The following TRIM33 variants were observed in gnomAD, a reference collection of about 807,000 sequenced individuals.
TRIM33 encodes the protein tripartite motif containing 33, also known as E3 ubiquitin-protein ligase TRIM33.
In TRIM33, 20 loss-of-function variants were observed where a neutral mutation model predicts 125.4. That is an observed-to-expected ratio of 0.16 (90% CI 0.11 to 0.23). The LOEUF (loss-of-function observed/expected upper bound fraction) is 0.23, where lower values mean the gene tolerates loss of function less well. TRIM33 is among the 10% of genes least tolerant of loss of function. The pLI, the probability that TRIM33 is intolerant of heterozygous loss-of-function variation, is 1.00. For synonymous variants in TRIM33, 564 were observed against 513.9 expected, an observed-to-expected ratio of 1.10 and a Z score of -1.32; for missense variants, 920 against 1,411.4, an observed-to-expected ratio of 0.65 and a Z score of 5.58.
intron 1 of TRIM33, among the ~76,000 whole-genome samples, chr1:114,481,205 G>T (rs1651311700): frequency 6.6e-6 from 1 of 151,622 alleles, no homozygotes; most frequent in African/African-American, 2.4e-5. Flanking sequence ...GATTCTCAAA[G>T]CATATTACTA....
In TRIM33 at chr1:114,433,695, C is replaced by T. The variant is rs1648109221; in HGVS notation, c.962G>A (p.Gly321Asp). 1 of 1,610,634 alleles carries T rather than the reference C, an allele frequency of 6.2e-7. No individual in the cohort carries two copies. Among genetic ancestry groups the T allele is most frequent in the Non-Finnish European group, 8.5e-7 (1 of 1,178,688 alleles). ...FLEEAFQNQK[G>D]AIENLLAKLL... Reference sequence around the variant, plus strand: ...TTTCGCCAGTAGATTCTCAATTGCACCCTTCTGATTTTGAAAAGCTTCTTC... The same window carrying T: ...TTTCGCCAGTAGATTCTCAATTGCATCCTTCTGATTTTGAAAAGCTTCTTC... The change falls in exon 5 of 20, where the codon GGT becomes GAT. Residue 321 changes from glycine to aspartate, a missense_variant. Gly to Asp is a moderately conservative substitution (Grantham distance 94). Transcript: ENST00000358465.
At position 114,510,769 on chromosome 1, in the gene TRIM33, G is replaced by A. The variant is rs1653298820; in HGVS notation, c.308C>T (p.Ser103Leu). Residue 103 changes from serine (S) to leucine (L), a missense_variant, in exon 1 of 20, where the codon TCG (serine) becomes TTG (leucine). Ser to Leu is a moderately radical substitution (Grantham distance 145, BLOSUM62 -2). Coordinates refer to ENST00000358465, the MANE Select transcript of TRIM33 (RefSeq NM_015906.4). ...TGCCGAGGGACCCGGAGCGGGAGCCGAGGCTGGAGCTGGAGCCGGCGTCGA... is the reference window on the plus strand; with the variant it reads ...TGCCGAGGGACCCGGAGCGGGAGCCAAGGCTGGAGCTGGAGCCGGCGTCGA... ...AVSTPAPAPA[S>L]APAPGPSAGP... 3.3e-6 allele frequency: 5 copies of A among 1,522,362 alleles called. No homozygotes were observed. Among genetic ancestry groups the A allele is most frequent in the African/African-American group, 1.4e-5 (1 of 71,698 alleles). The allele number at this position is 1,522,362 out of a possible 1,614,324, so 94.3% of individuals were successfully genotyped here. A position where few individuals can be genotyped will look rare whatever the true frequency, so the allele number is the denominator to read the frequency against.
chr1:114,405,287 C>T (rs1230792724), intron 15 of TRIM33, 123 bp downstream of exon 15: 3 of 701,620 alleles, frequency 4.3e-6, no homozygotes, highest in South Asian at 1.9e-5. Flanking sequence ...AAAAGAATAA[C>T]AGGCTCCCTG....
intron 4 of TRIM33, among the ~76,000 whole-genome samples, chr1:114,458,560 C>A (rs570337192): frequency 6.6e-6 from 1 of 152,272 alleles, no homozygotes; most frequent in African/African-American, 2.4e-5. Flanking sequence ...CAATCAGCAG[C>A]ACCCATTCCC....
At chr1:114,508,370 C>G (rs1228106433) in intron 1 of TRIM33, among the ~76,000 whole-genome samples, 1 of 152,164 alleles carries the variant, frequency 6.6e-6, no homozygotes, top group Non-Finnish European at 1.5e-5. Flanking sequence ...ATCTGTATTT[C>G]TGGGTTCCCT....
Position 114,510,901 on chromosome 1 carries a change from G to A in TRIM33, c.176C>T (p.Ala59Val). ...EGGRAGAEGG[A>V]AGPDDGGVAA... is the part of the protein sequence containing the mutation. ...CACCCCCCCGTCGTCGGGCCCGGCCGCGCCGCCCTCAGCGCCGGCCCTGCC... is the reference window on the plus strand; with the variant it reads ...CACCCCCCCGTCGTCGGGCCCGGCCACGCCGCCCTCAGCGCCGGCCCTGCC... Residue 59 changes from alanine (A) to valine (V), a missense_variant, in exon 1 of 20, where the codon GCG (alanine) becomes GTG (valine). This residue lies in a region of TRIM33 where 233 missense variants were observed against 189.6 expected (regional missense o/e 1.23). Transcript: ENST00000358465. The A allele has an allele frequency of 1.4e-6, 2 of 1,425,936 alleles. No homozygotes were observed. Among genetic ancestry groups the A allele is most frequent in the Non-Finnish European group, 1.8e-6 (2 of 1,097,274 alleles). The allele number at this position is 1,425,936 out of a possible 1,614,324, so 88.3% of individuals were successfully genotyped here.
At chr1:114,475,834 C>A (rs1391977746) in intron 1 of TRIM33, among the ~76,000 whole-genome samples, 1 of 152,038 alleles carries the variant, frequency 6.6e-6, no homozygotes, top group Non-Finnish European at 1.5e-5. Context: ...AAGACCCCAT[C>A]TCTAGAAAAA....
chr1:114,502,213 A>G (rs573901837), intron 1 of TRIM33, among the ~76,000 whole-genome samples: 21 of 152,316 alleles, frequency 1.4e-4, no homozygotes, highest in African/African-American at 4.8e-4. Context: ...AGAACTATAA[A>G]TGTATAAATC....
At chr1:114,456,000 T>A (rs1399344235) in intron 4 of TRIM33, among the ~76,000 whole-genome samples, 2 of 152,160 alleles carry the variant, frequency 1.3e-5, no homozygotes, top group African/African-American at 4.8e-5. Context: ...TAATTCTAAA[T>A]CTTGTTGAAG....
chr1:114,458,919 T>C (rs1649784846), intron 4 of TRIM33, among the ~76,000 whole-genome samples: 1 of 152,184 alleles, frequency 6.6e-6, no homozygotes, highest in Non-Finnish European at 1.5e-5. Context: ...AGAATAGTTG[T>C]AAATGTGTTG....
At chr1:114,474,208 A>G (rs1650833857) in intron 1 of TRIM33, among the ~76,000 whole-genome samples, 1 of 152,030 alleles carries the variant, frequency 6.6e-6, no homozygotes, top group African/African-American at 2.4e-5. Flanking sequence ...GCCCAGAAAC[A>G]CACCGTAAAT....
chr1:114,471,286 C>T (rs1650633772), intron 1 of TRIM33, among the ~76,000 whole-genome samples: 1 of 151,996 alleles, frequency 6.6e-6, no homozygotes, highest in African/African-American at 2.4e-5. Context: ...ACTAAAAATA[C>T]AAAAGTTAGC....
rs541997623 is a variant in TRIM33 at position 114,457,247 on chromosome 1, T to C, written c.923+5857A>G. ...ATGATTTTGTCCATGTCCGGCCCTATGGACATTCCGCCATGATTTTGGGAA... is the reference window on the plus strand; with the variant it reads ...ATGATTTTGTCCATGTCCGGCCCTACGGACATTCCGCCATGATTTTGGGAA... On this transcript the variant is annotated intron_variant, in intron 4 of 19. Coordinates refer to ENST00000358465, the MANE Select transcript of TRIM33 (RefSeq NM_015906.4). Among the ~76,000 whole-genome samples, 3 of 152,294 alleles carry C rather than the reference T, an allele frequency of 2.0e-5. No individual in the cohort carries two copies. In the South Asian group the frequency reaches 6.2e-4, roughly 32 times the overall value.
chr1:114,425,523 C>T lies in TRIM33; in HGVS notation c.1621G>A (p.Ala541Thr), dbSNP rs1199808581. The T allele has an allele frequency of 1.9e-6, 3 of 1,614,028 alleles. No individual in the cohort carries two copies. In the East Asian group the frequency reaches 6.7e-5, roughly 36 times the overall value. The change falls in exon 9 of 20, where the codon GCA (alanine) becomes ACA (threonine). Residue 541 changes from alanine (A) to threonine (T), a missense_variant. Ala to Thr is a moderately conservative substitution (Grantham distance 58, BLOSUM62 0). Around this residue, in one of 8 missense-constraint regions of TRIM33, gnomAD observed 407 missense variants for 589.7 expected, o/e 0.69. Transcript: ENST00000358465. ...LQQMRMQQPP[A>T]PVPTTTTTTQ... ...GTTGTTGTTGTAGTTGGTACAGGTG[C>T]TGGTGGTTGCTGCATCCTCATCTGT...
At chr1:114,403,482 T>C (rs1652035710) in intron 15 of TRIM33, among the ~76,000 whole-genome samples, 1 of 152,240 alleles carries the variant, frequency 6.6e-6, no homozygotes, top group East Asian at 1.9e-4. Context: ...GCGATTCTTG[T>C]ACCTCAGCCT....
chr1:114,418,349 T>C (rs976922693), intron 11 of TRIM33, among the ~76,000 whole-genome samples: 1 of 152,242 alleles, frequency 6.6e-6, no homozygotes, highest in Non-Finnish European at 1.5e-5. Flanking sequence ...AGAGCCAAAC[T>C]GTATCACTGC....
intron 6 of TRIM33, among the ~76,000 whole-genome samples, chr1:114,429,470 C>T (rs771307849): frequency 6.6e-6 from 1 of 151,952 alleles, no homozygotes; most frequent in South Asian, 2.1e-4. Context: ...GGATTACAGG[C>T]GTGAGCCACC....
At position 114,463,235 on chromosome 1, in the gene TRIM33, C is replaced by T. The variant is rs755128157; in HGVS notation, c.792G>A (p.Glu264=). 45 of 1,589,096 alleles carry T rather than the reference C, an allele frequency of 2.8e-5. No individual in the cohort carries two copies. Among genetic ancestry groups the T allele is most frequent in the Admixed American group, 1.9e-5 (1 of 52,084 alleles). ...GGCGTTGACCAGATGCTCCAACAGA[C>T]TCTGTAGCAAAATAAAACAAATATT... The part of the protein sequence containing the change: ...HLIRKKEDVS[E]SVGASGQRPV... Residue 264 remains glutamate, a splice_region_variant and synonymous_variant, in exon 4 of 20, where the codon GAG becomes GAA. Coordinates refer to ENST00000358465, the MANE Select transcript of TRIM33 (RefSeq NM_015906.4).
At position 114,448,274 on chromosome 1, in the gene TRIM33, C is replaced by T. The variant is rs374216995; in HGVS notation, c.924-14541G>A. Among the ~76,000 whole-genome samples, 24 of 152,186 alleles carry T rather than the reference C, an allele frequency of 1.6e-4. 1 individual carries two copies. Among genetic ancestry groups the T allele is most frequent in the Middle Eastern group, 3.4e-3 (1 of 294 alleles). ...AAATGTAGAAATATGGGTACAGGTGCTTGTTGGAAAAGTAGATGTGGTAGA... is the reference window on the plus strand; with the variant it reads ...AAATGTAGAAATATGGGTACAGGTGTTTGTTGGAAAAGTAGATGTGGTAGA... On this transcript the variant is annotated intron_variant, in intron 4 of 19. Transcript: ENST00000358465.
Sources: allele counts gnomAD v4.1 joint callset (sites outside exome capture counted in the v4.1 genomes callset), GRCh38; gene constraint gnomAD v4.1.1; regional missense constraint gnomAD v4.1.1; transcripts MANE v1.5; gene names NCBI Gene and HGNC (gene_info 2026-07-23, HGNC 2026-07-21).